PALLD: variants seen among roughly 807,000 people sequenced by gnomAD.
PALLD encodes the protein palladin.
A neutral mutation model predicts 123.5 loss-of-function variants in PALLD; 61 were observed. The ratio of observed to expected loss-of-function variants is 0.49; its 90% CI spans 0.40 to 0.61. PALLD has a LOEUF of 0.61. Among genes scored for constraint, PALLD ranks in the 20% least tolerant of loss-of-function variants. The probability of loss-of-function intolerance (pLI) is 0.00; values close to 1 mark genes in which losing one functional copy is unlikely to be tolerated. For synonymous variants in PALLD, 465 were observed against 496.4 expected (o/e 0.94, Z 0.84); for missense variants, 1,273 against 1,377.0 (o/e 0.92, Z 1.20).
chr4:168,703,042 A>G (rs1261882768), intron 8 of PALLD, among the ~76,000 whole-genome samples: 10 of 126,990 alleles, frequency 7.9e-5, no homozygotes, highest in East Asian at 2.7e-4. Flanking sequence ...ATATCTCCCA[A>G]TGCTATCCCT....
chr4:168,781,466 A>G (rs1735916717), intron 10 of PALLD, among the ~76,000 whole-genome samples: 1 of 152,212 alleles, frequency 6.6e-6, no homozygotes, highest in Non-Finnish European at 1.5e-5. Context: ...TGGAGGGGAT[A>G]ACTATGACAT....
chr4:168,556,443 G>A (rs1425838450), intron 2 of PALLD, among the ~76,000 whole-genome samples: 1 of 152,010 alleles, frequency 6.6e-6, no homozygotes, highest in East Asian at 1.9e-4. Context: ...AAGAAGAAGT[G>A]AAGAAAAAGG....
intron 2 of PALLD, among the ~76,000 whole-genome samples, chr4:168,586,433 C>T (rs1360419215): frequency 3.3e-5 from 5 of 152,188 alleles, no homozygotes; most frequent in Non-Finnish European, 7.3e-5. Context: ...TCACCACTGT[C>T]TACATGCTGG....
chr4:168,510,251 G>C (rs1762411460), intron 1 of PALLD, among the ~76,000 whole-genome samples: 1 of 152,156 alleles, frequency 6.6e-6, no homozygotes, highest in African/African-American at 2.4e-5. Flanking sequence ...CAAAATGTCA[G>C]TGGAATTTAA....
intron 2 of PALLD, among the ~76,000 whole-genome samples, chr4:168,522,498 T>A (rs549979698): frequency 1.3e-5 from 2 of 152,356 alleles, no homozygotes; most frequent in East Asian, 3.9e-4. Flanking sequence ...AAATCTTTTC[T>A]GCAGAGTCTA....
At chr4:168,592,223 A>G (rs931107506) in intron 2 of PALLD, among the ~76,000 whole-genome samples, 1 of 151,982 alleles carries the variant, frequency 6.6e-6, no homozygotes, top group African/African-American at 2.4e-5. Flanking sequence ...AGGGGGTTTC[A>G]CCATGTTGGT....
chr4:168,807,031 C>T (rs1561544973), intron 10 of PALLD, among the ~76,000 whole-genome samples: 1 of 152,082 alleles, frequency 6.6e-6, no homozygotes, highest in African/African-American at 2.4e-5. Context: ...GCGGACTCCA[C>T]GGTGCCTAAC....
At chr4:168,642,630 G>A (rs1777073339) in intron 2 of PALLD, among the ~76,000 whole-genome samples, 1 of 152,150 alleles carries the variant, frequency 6.6e-6, no homozygotes, top group Admixed American at 6.5e-5. Flanking sequence ...TCAAACTCCT[G>A]ACCTCAGGCG....
intron 2 of PALLD, chr4:168,598,674 C>T: frequency 2.9e-6 from 1 of 349,638 alleles, no homozygotes. Flanking sequence ...CTGTCATCTG[C>T]TGTAACTCTC....
intron 2 of PALLD, among the ~76,000 whole-genome samples, chr4:168,666,065 T>G (rs1275521141): frequency 2.0e-5 from 3 of 152,150 alleles, no homozygotes; most frequent in African/African-American, 7.2e-5. Context: ...TTCAAACCCT[T>G]AAAAGTATAA....
chr4:168,501,885 T>C (rs192911428), intron 1 of PALLD, among the ~76,000 whole-genome samples: 6 of 152,346 alleles, frequency 3.9e-5, no homozygotes, highest in South Asian at 2.1e-4. Context: ...GTCTGCACCC[T>C]AACAACTTTC....
chr4:168,549,833 C>A (rs1766547417), intron 2 of PALLD, among the ~76,000 whole-genome samples: 2 of 151,646 alleles, frequency 1.3e-5, no homozygotes, highest in Admixed American at 1.3e-4. Context: ...CTCAGAAAAC[C>A]AAGAGGTTTT....
intron 2 of PALLD, among the ~76,000 whole-genome samples, chr4:168,532,133 T>C (rs953518266): frequency 3.9e-5 from 6 of 152,192 alleles, no homozygotes; most frequent in African/African-American, 1.4e-4. Flanking sequence ...TTCCCTGCTA[T>C]GTGTCCATGT....
At chr4:168,537,729 G>C (rs1020445764) in intron 2 of PALLD, 15 of 152,212 alleles carry the variant, frequency 9.9e-5, no homozygotes, top group Admixed American at 9.8e-4. Flanking sequence ...CTTGTGGGAA[G>C]AAGTTTCTTT....
At chr4:168,709,814 G>A (rs945988795) in intron 9 of PALLD, among the ~76,000 whole-genome samples, 1 of 152,032 alleles carries the variant, frequency 6.6e-6, no homozygotes, top group Admixed American at 6.6e-5. Context: ...TAATGATCGT[G>A]TAGCAACTGA....
At chr4:168,704,688 G>A (rs1048250575) in intron 8 of PALLD, among the ~76,000 whole-genome samples, 1 of 101,500 alleles carries the variant, frequency 9.9e-6, no homozygotes, top group Non-Finnish European at 1.9e-5. Context: ...AAAAAAAAAT[G>A]TGTATGTTGT....
chr4:168,580,674 A>C (rs1770166025), intron 2 of PALLD, among the ~76,000 whole-genome samples: 1 of 152,114 alleles, frequency 6.6e-6, no homozygotes, highest in African/African-American at 2.4e-5. Context: ...ATATGTATGC[A>C]TATGTTTACT....
At chr4:168,872,858 T>C (rs892430971) in intron 10 of PALLD, among the ~76,000 whole-genome samples, 2 of 152,158 alleles carry the variant, frequency 1.3e-5, no homozygotes, top group Non-Finnish European at 2.9e-5. Flanking sequence ...TAAAAGACAA[T>C]TGAAGCATTA....
In PALLD at chr4:168,841,699, G is replaced by T. The variant is rs150311135; in HGVS notation, c.1965-49223G>T. Among the ~76,000 whole-genome samples the T allele has an allele frequency of 3.8e-3, 586 of 152,236 alleles. 2 individuals carry two copies. Among genetic ancestry groups the T allele is most frequent in the Non-Finnish European group, 6.6e-3 (452 of 68,006 alleles). ...AGCTCCATGCAGCCTCTACAACTCT[G>T]CTTGGAGCTCAGTTTTCCTATGTGT... On this transcript the variant is annotated intron_variant, in intron 10 of 21. Transcript: ENST00000505667.
Sources: allele counts gnomAD v4.1 joint callset (sites outside exome capture counted in the v4.1 genomes callset), GRCh38; gene constraint gnomAD v4.1.1; transcripts MANE v1.5; gene names NCBI Gene and HGNC (gene_info 2026-07-23, HGNC 2026-07-21).